Variants in FMNL2 observed in about 807,000 individuals in gnomAD.
FMNL2 encodes formin-like protein 2.
Under a neutral mutation model 130.2 loss-of-function variants are expected in FMNL2, and 51 were observed. That is an observed-to-expected ratio of 0.39 (90% CI 0.31 to 0.49). The LOEUF is 0.49. Among genes scored for constraint, FMNL2 ranks in the 20% least tolerant of loss-of-function variants. The probability of loss-of-function intolerance (pLI) is 0.85; values close to 1 mark genes in which losing one functional copy is unlikely to be tolerated. For missense variants in FMNL2, 977 were observed against 1,316.2 expected (o/e 0.74, Z 3.99); for synonymous variants, 465 against 467.1 (o/e 1.00, Z 0.06).
chr2:152,576,763 T>C (rs1158661095), intron 7 of FMNL2, among the ~76,000 whole-genome samples: 7 of 151,994 alleles, frequency 4.6e-5, no homozygotes, highest in Admixed American at 3.9e-4. Context: ...GGGAGGGATA[T>C]TAGGGGAAGA....
intron 1 of FMNL2, among the ~76,000 whole-genome samples, chr2:152,448,215 A>C (rs531725861): frequency 3.9e-5 from 6 of 152,172 alleles, no homozygotes; most frequent in South Asian, 2.1e-4. Context: ...AAAAAAAAAA[A>C]AACACATAAT....
chr2:152,358,593 G>A (rs1347660569), intron 1 of FMNL2, among the ~76,000 whole-genome samples: 1 of 151,508 alleles, frequency 6.6e-6, no homozygotes, highest in African/African-American at 2.4e-5. Context: ...GGAGGTTGCA[G>A]TAAGCCGAGA....
intron 1 of FMNL2, among the ~76,000 whole-genome samples, chr2:152,487,793 T>G (rs1258999556): frequency 6.6e-6 from 1 of 151,930 alleles, no homozygotes; most frequent in Non-Finnish European, 1.5e-5. Flanking sequence ...TCTTTTTTTT[T>G]TTTTTCCTTT....
intron 1 of FMNL2, among the ~76,000 whole-genome samples, chr2:152,517,949 C>T (rs1314812221): frequency 1.3e-5 from 2 of 152,116 alleles, no homozygotes; most frequent in African/African-American, 2.4e-5. Context: ...GAGTTGTCAC[C>T]GTGTTAGGAA....
chr2:152,482,293 C>G (rs1018398303), intron 1 of FMNL2, among the ~76,000 whole-genome samples: 25 of 152,080 alleles, frequency 1.6e-4, no homozygotes, highest in Non-Finnish European at 3.1e-4. Flanking sequence ...AGGGGATTTT[C>G]TTTCTCCCCT....
chr2:152,526,290 A>G (rs1164182897), intron 2 of FMNL2, among the ~76,000 whole-genome samples: 1 of 152,156 alleles, frequency 6.6e-6, no homozygotes, highest in African/African-American at 2.4e-5. Flanking sequence ...GGTGGCTGCT[A>G]TGTTAGAGTC....
rs1391965881 is a variant in FMNL2 at position 152,578,859 on chromosome 2, GTTTC to G, written c.706-25_706-22del. Reference sequence around the variant, plus strand: ...CCTAACTTGTCTCCCAATGCTTTGTGTTTCTTTTTTTTTCCATGTTAATTTTAGT... The same window carrying G: ...CCTAACTTGTCTCCCAATGCTTTGTGTTTTTTTTTCCATGTTAATTTTAGT... On this transcript the variant is annotated intron_variant, in intron 7 of 25. Transcript: ENST00000288670. 1.9e-6 allele frequency: 3 copies of G among 1,587,244 alleles called. No homozygotes were observed. In the African/African-American group the frequency reaches 4.1e-5, roughly 21 times the overall value.
At chr2:152,578,669 GC>G in intron 7 of FMNL2, 1 of 352,164 alleles carries the variant, frequency 2.8e-6, no homozygotes, top group Non-Finnish European at 5.2e-6. Context: ...CTCCTGAGTA[GC>G]TGGGACTGGA....
At chr2:152,464,158 G>A (rs1488547753) in intron 1 of FMNL2, among the ~76,000 whole-genome samples, 2 of 152,084 alleles carry the variant, frequency 1.3e-5, no homozygotes, top group African/African-American at 4.8e-5. Flanking sequence ...TGACCAATCT[G>A]GTCTTGAACT....
chr2:152,373,756 G>A (rs1684017538), intron 1 of FMNL2, among the ~76,000 whole-genome samples: 1 of 149,712 alleles, frequency 6.7e-6, no homozygotes, highest in South Asian at 2.1e-4. Flanking sequence ...CTGCTTTGTT[G>A]AATCCGCAGA....
At chr2:152,582,332 C>T (rs1203242887) in intron 9 of FMNL2, among the ~76,000 whole-genome samples, 2 of 152,152 alleles carry the variant, frequency 1.3e-5, no homozygotes, top group African/African-American at 4.8e-5. Context: ...TAGACACCAG[C>T]CTGTGAGCCT....
At chr2:152,556,483 G>A (rs1695211529) in intron 4 of FMNL2, among the ~76,000 whole-genome samples, 1 of 152,160 alleles carries the variant, frequency 6.6e-6, no homozygotes. Context: ...GTGGTGATGG[G>A]GGCATGGATA....
intron 1 of FMNL2, among the ~76,000 whole-genome samples, chr2:152,339,624 C>G (rs1681683579): frequency 6.6e-6 from 1 of 152,138 alleles, no homozygotes; most frequent in African/African-American, 2.4e-5. Flanking sequence ...TCAGGCAGCA[C>G]TGCAAACAGA....
In FMNL2 at chr2:152,432,153, G is replaced by A. The variant is rs13034458; in HGVS notation, c.118-89790G>A. On this transcript the variant is annotated intron_variant, in intron 1 of 25. Coordinates refer to ENST00000288670, the MANE Select transcript of FMNL2 (RefSeq NM_052905.4). The stretch of plus-strand genomic sequence containing the variant: ...TAATATCTATGTAAAAGAAAAATGG[G>A]CCCACAGGCTGAATATGTGTTTTCT... Among the ~76,000 whole-genome samples the A allele has an allele frequency of 8.6e-3, 1,304 of 151,754 alleles. 11 individuals are homozygous for A. Among genetic ancestry groups the A allele is most frequent in the African/African-American group, 0.024 (1,010 of 41,380 alleles).
intron 1 of FMNL2, among the ~76,000 whole-genome samples, chr2:152,494,270 C>T (rs1239263922): frequency 6.6e-6 from 1 of 152,198 alleles, no homozygotes; most frequent in East Asian, 1.9e-4. Context: ...AGGCATTTGA[C>T]CTCTGTTATT....
chr2:152,641,892 T>TC (rs1683111783), intron 25 of FMNL2, among the ~76,000 whole-genome samples: 1 of 152,062 alleles, frequency 6.6e-6, no homozygotes, highest in South Asian at 2.1e-4. Context: ...AGTTCACATT[T>TC]CCCCAACTGT....
At chr2:152,474,492 C>T (rs761263539) in intron 1 of FMNL2, among the ~76,000 whole-genome samples, 1 of 152,044 alleles carries the variant, frequency 6.6e-6, no homozygotes, top group East Asian at 1.9e-4. Flanking sequence ...CAAGACCAGC[C>T]TGGCCAACAC....
intron 1 of FMNL2, among the ~76,000 whole-genome samples, chr2:152,486,751 G>A (rs1457170055): frequency 1.3e-5 from 2 of 152,106 alleles, no homozygotes; most frequent in Admixed American, 6.6e-5. Flanking sequence ...TTTCTGGGGG[G>A]AAGAATAAAT....
intron 1 of FMNL2, among the ~76,000 whole-genome samples, chr2:152,478,757 A>T (rs1198883966): frequency 6.6e-6 from 1 of 152,208 alleles, no homozygotes; most frequent in Admixed American, 6.5e-5. Flanking sequence ...AGGAAGGTTC[A>T]GTGAGTATAA....
Sources: allele counts gnomAD v4.1 joint callset (sites outside exome capture counted in the v4.1 genomes callset), GRCh38; gene constraint gnomAD v4.1.1; transcripts MANE v1.5; gene names NCBI Gene and HGNC (gene_info 2026-07-23, HGNC 2026-07-21).